The following NLN variants were observed in gnomAD, a reference collection of about 807,000 sequenced individuals.
NLN encodes neurolysin, also known as neurolysin, mitochondrial.
In NLN, 64 loss-of-function variants were observed where a neutral mutation model predicts 79.9. That is an observed-to-expected ratio of 0.80 (90% CI 0.65 to 0.99). The LOEUF (loss-of-function observed/expected upper bound fraction) is 0.99. Among genes scored for constraint, NLN ranks in the 50% least tolerant of loss-of-function variants. The pLI, the probability that NLN is intolerant of heterozygous loss-of-function variation, is 0.00. For synonymous variants in NLN, 267 were observed against 296.6 expected (o/e 0.90, Z 1.02); for missense variants, 835 against 858.7 (o/e 0.97, Z 0.34).
chr5:65,739,148 C>T (rs959082891), intron 1 of NLN, among the ~76,000 whole-genome samples: 1 of 150,440 alleles, frequency 6.6e-6, no homozygotes, highest in African/African-American at 2.5e-5. Flanking sequence ...GATGATCTGA[C>T]CACCTATGCC....
chr5:65,732,478 G>A (rs1289029903), intron 1 of NLN, among the ~76,000 whole-genome samples: 1 of 142,268 alleles, frequency 7.0e-6, no homozygotes, highest in Non-Finnish European at 1.6e-5. Context: ...TAGAAGCTCC[G>A]TCCTCACAGC....
At position 65,824,706 on chromosome 5, in the gene NLN, A is replaced by G. The variant is rs898023903; in HGVS notation, c.*1791A>G. 1 of 152,238 alleles carries G rather than the reference A, an allele frequency of 6.6e-6. No individual in the cohort carries two copies. Among genetic ancestry groups the G allele is most frequent in the Non-Finnish European group, 1.5e-5 (1 of 68,044 alleles). 9.4% of individuals were successfully genotyped at this position (152,238 alleles called of 1,614,324 possible). A position where few individuals can be genotyped will look rare whatever the true frequency, so the allele number is the denominator to read the frequency against. On this transcript the variant is annotated 3_prime_UTR_variant, in exon 13 of 13. Transcript: ENST00000380985. ...ATGAAAATGAACTCATATTTCTTTC[A>G]TACTTTAACGTTAAAACCGAAATGC...
intron 1 of NLN, among the ~76,000 whole-genome samples, chr5:65,726,017 C>T (rs1241642519): frequency 6.6e-6 from 1 of 150,720 alleles, no homozygotes; most frequent in East Asian, 2.0e-4. Flanking sequence ...GAGGCTGAGG[C>T]AGGAGAATGG....
At chr5:65,820,957 A>T (rs1408780377) in intron 12 of NLN, among the ~76,000 whole-genome samples, 1 of 366 alleles carries the variant, frequency 2.7e-3, no homozygotes, top group Non-Finnish European at 0.01. Flanking sequence ...CATAAGAATC[A>T]CTTGACCCCT....
intron 1 of NLN, among the ~76,000 whole-genome samples, chr5:65,727,791 C>T (rs1273712503): frequency 6.6e-6 from 1 of 152,118 alleles, no homozygotes; most frequent in Middle Eastern, 3.2e-3. Flanking sequence ...TTTTTTGAGA[C>T]AGTCTCGCTC....
At position 65,781,309 on chromosome 5, in the gene NLN, A is replaced by G. The variant is rs554195926; in HGVS notation, c.710A>G (p.Asp237Gly). ...GACAGTTTAGAAAAGACAGATGATG[A>G]CAAGTATAAAATTACCTTAAAATAT... ...FIDSLEKTDD[D>G]KYKITLKYPH... The change falls in exon 6 of 13, where the codon GAC (aspartate) becomes GGC (glycine). Residue 237 changes from aspartate (D) to glycine (G), a missense_variant. Coordinates refer to ENST00000380985, the MANE Select transcript of NLN (RefSeq NM_020726.5). 1.2e-6 allele frequency: 2 copies of G among 1,607,298 alleles called. No homozygotes were observed. Among genetic ancestry groups the G allele is most frequent in the African/African-American group, 2.7e-5 (2 of 74,918 alleles).
At chr5:65,787,951 C>T (rs746718593) in intron 7 of NLN, among the ~76,000 whole-genome samples, 167 bp from the exon 8 acceptor site, 12 of 152,180 alleles carry the variant, frequency 7.9e-5, no homozygotes, top group Non-Finnish European at 1.6e-4. Flanking sequence ...CATAATACAG[C>T]CTGCTTTCCT....
intron 3 of NLN, among the ~76,000 whole-genome samples, chr5:65,774,187 G>A (rs1759631525): frequency 6.6e-6 from 1 of 151,736 alleles, no homozygotes; most frequent in South Asian, 2.1e-4. Flanking sequence ...CAGGGAGAGA[G>A]AATACACATT....
intron 3 of NLN, among the ~76,000 whole-genome samples, chr5:65,771,553 G>T (rs914720749): frequency 1.3e-5 from 2 of 151,958 alleles, no homozygotes; most frequent in Non-Finnish European, 2.9e-5. Flanking sequence ...TTTTTAGAGC[G>T]GCAGGCTTTG....
chr5:65,722,279 G>C lies in NLN; in HGVS notation c.-95G>C, dbSNP rs1758321833. On this transcript the variant is annotated 5_prime_UTR_variant, in exon 1 of 13. Coordinates refer to ENST00000380985, the MANE Select transcript of NLN (RefSeq NM_020726.5). ...CACTGTGGCCTCTGCGGCTAGGCCG[G>C]CTCGAGACTCCCGGGCGCCCAGGCG... is the stretch of plus-strand genomic sequence containing the variant. The C allele has an allele frequency of 2.0e-6, 2 of 976,410 alleles. No individual in the cohort carries two copies. Among genetic ancestry groups the C allele is most frequent in the African/African-American group, 3.5e-5 (2 of 57,396 alleles). 60.5% of individuals were successfully genotyped at this position (976,410 alleles called of 1,614,324 possible).
At chr5:65,786,982 A>G (rs1221496646) in intron 7 of NLN, among the ~76,000 whole-genome samples, 1 of 152,252 alleles carries the variant, frequency 6.6e-6, no homozygotes, top group African/African-American at 2.4e-5. Context: ...ATGGTATACA[A>G]GAGGATGGCT....
intron 1 of NLN, among the ~76,000 whole-genome samples, chr5:65,730,841 C>T (rs921569504): frequency 2.6e-5 from 4 of 152,142 alleles, no homozygotes; most frequent in Non-Finnish European, 5.9e-5. Context: ...CGTGAGCCAC[C>T]GTGCCTGGCC....
chr5:65,812,205 G>C (rs374716091), intron 11 of NLN, 50 bp from the exon 12 acceptor site: 9 of 1,540,440 alleles, frequency 5.8e-6, no homozygotes, highest in Non-Finnish European at 8.1e-6. Flanking sequence ...CTGTTAACCT[G>C]ATCATTAACG....
At chr5:65,812,523 G>A in intron 12 of NLN, 132 bp downstream of exon 12, 1 of 621,540 alleles carries the variant, frequency 1.6e-6, no homozygotes, top group Non-Finnish European at 2.8e-6. Context: ...CTGAGGCCCT[G>A]CATCTTTCAA....
At chr5:65,809,997 GTCT>G in intron 10 of NLN, 37 bp from the exon 11 acceptor site, 1 of 1,607,542 alleles carries the variant, frequency 6.2e-7, no homozygotes, top group Non-Finnish European at 8.5e-7. Flanking sequence ...ACACAGTTCT[GTCT>G]TCTTCAAAAC....
At chr5:65,760,835 T>G (rs1283345416) in intron 2 of NLN, among the ~76,000 whole-genome samples, 1 of 152,220 alleles carries the variant, frequency 6.6e-6, no homozygotes, top group African/African-American at 2.4e-5. Context: ...AAACAAAATC[T>G]TTATAAAATA....
At chr5:65,798,163 C>A (rs1760208980) in intron 9 of NLN, among the ~76,000 whole-genome samples, 1 of 152,184 alleles carries the variant, frequency 6.6e-6, no homozygotes, top group Non-Finnish European at 1.5e-5. Context: ...GAACATGTAC[C>A]AGGTGCCAGG....
At chr5:65,814,769 CA>C (rs1053510564) in intron 12 of NLN, among the ~76,000 whole-genome samples, 5 of 151,088 alleles carry the variant, frequency 3.3e-5, no homozygotes, top group East Asian at 1.9e-4. Context: ...AGAAAAAAGA[CA>C]AAAAAAAGTG....
chr5:65,811,001 G>A (rs1760532785), intron 11 of NLN, among the ~76,000 whole-genome samples: 1 of 152,104 alleles, frequency 6.6e-6, no homozygotes, highest in Non-Finnish European at 1.5e-5. Context: ...GGGTATTTGG[G>A]GGGAGAAGCA....
Sources: allele counts gnomAD v4.1 joint callset (sites outside exome capture counted in the v4.1 genomes callset), GRCh38; gene constraint gnomAD v4.1.1; transcripts MANE v1.5; gene names NCBI Gene and HGNC (gene_info 2026-07-23, HGNC 2026-07-21).